The following DPPA2 variants were observed in gnomAD, a reference collection of about 807,000 sequenced individuals.
The protein encoded by DPPA2 is developmental pluripotency-associated protein 2.
In DPPA2, 26 loss-of-function variants were observed where a neutral mutation model predicts 36.2. The ratio of observed to expected loss-of-function variants is 0.72; its 90% CI spans 0.53 to 1.00. DPPA2 has a LOEUF of 1.00. Ranked by LOEUF, DPPA2 falls within the 50% of genes least tolerant of loss-of-function variation. The pLI is 0.00. For missense variants in DPPA2, 361 were observed against 365.1 expected, an observed-to-expected ratio of 0.99 and a Z score of 0.09; for synonymous variants, 113 against 123.2, an observed-to-expected ratio of 0.92 and a Z score of 0.55.
chr3:109,307,269 A>G (rs1043224223), intron 6 of DPPA2, among the ~76,000 whole-genome samples: 7 of 152,098 alleles, frequency 4.6e-5, no homozygotes, highest in African/African-American at 1.7e-4. Context: ...AAGCTCAGCC[A>G]CTACTATTCT....
At chr3:109,306,683 G>T (rs1377940967) in intron 6 of DPPA2, among the ~76,000 whole-genome samples, 2 of 151,620 alleles carry the variant, frequency 1.3e-5, no homozygotes, top group East Asian at 3.9e-4. Context: ...TTCTTAGAGG[G>T]CCCCAGGCGC....
chr3:109,308,144 C>T lies in DPPA2; in HGVS notation c.546G>A (p.Pro182=), dbSNP rs752711484. Residue 182 remains proline (P), a synonymous_variant, in exon 6 of 9, where the codon CCG becomes CCA. Transcript: ENST00000478945. ...TNTVEVITSA[P]GAMLASWARI... ...TTGCCCATGATGCCAACATGGCTCC[C>T]GGTGCTGAAGTTATCACTTCAACTG... 22 of 1,614,058 alleles carry T rather than the reference C, an allele frequency of 1.4e-5. No homozygotes were observed. The highest frequency in any genetic ancestry group is 1.1e-4 in the African/African-American group (8 of 74,928).
chr3:109,309,388 A>T lies in DPPA2; in HGVS notation c.182-58T>A, dbSNP rs903619351. ...TTTAAAGTTGGCAAGATTATTTTAA[A>T]ATTTTACAAAGATCTAGGGTCGGGC... On this transcript the variant is annotated intron_variant, in intron 3 of 8. Transcript: ENST00000478945. 9 of 1,601,494 alleles carry T rather than the reference A, an allele frequency of 5.6e-6. 1 individual carries two copies. In the Admixed American group the frequency reaches 8.4e-5, roughly 15 times the overall value.
intron 1 of DPPA2, among the ~76,000 whole-genome samples, chr3:109,315,141 G>A (rs762662701): frequency 2.0e-5 from 3 of 152,198 alleles, no homozygotes; most frequent in African/African-American, 4.8e-5. Context: ...TTGTTGACAA[G>A]TTCCAATGGA....
chr3:109,307,821 A>G (rs912062884), intron 6 of DPPA2, among the ~76,000 whole-genome samples: 7 of 152,154 alleles, frequency 4.6e-5, no homozygotes, highest in African/African-American at 1.7e-4. Flanking sequence ...GAAAAGGGCC[A>G]CTACTCAGTC....
At position 109,305,095 on chromosome 3, in the gene DPPA2, G is replaced by A. The variant is rs1461921251; in HGVS notation, c.659-425C>T. Reference sequence around the variant, plus strand: ...CGGAAGGCAGAGGTTGTGGTGAGCTGAGATCACACCACTGCACTCCAGCCT... The same window carrying A: ...CGGAAGGCAGAGGTTGTGGTGAGCTAAGATCACACCACTGCACTCCAGCCT... On this transcript the variant is annotated intron_variant, in intron 6 of 8. Transcript: ENST00000478945. Among the ~76,000 whole-genome samples the A allele has an allele frequency of 2.0e-5, 3 of 151,964 alleles. No individual in the cohort carries two copies. In the South Asian group the frequency reaches 6.2e-4, roughly 32 times the overall value.
chr3:109,297,595 C>T (rs141493801), intron 8 of DPPA2, among the ~76,000 whole-genome samples: 4 of 151,034 alleles, frequency 2.6e-5, no homozygotes, highest in Admixed American at 6.6e-5. Context: ...CCAAACAATA[C>T]GAAATACTAA....
intron 6 of DPPA2, among the ~76,000 whole-genome samples, chr3:109,307,293 A>G (rs1326461113): frequency 6.6e-6 from 1 of 151,794 alleles, no homozygotes; most frequent in East Asian, 2.0e-4. Context: ...AAACATGTAA[A>G]TCTTCATTTT....
In DPPA2 at chr3:109,308,017, T is replaced by G. The variant is rs1707610019; in HGVS notation, c.658+15A>C. On this transcript the variant is annotated intron_variant, in intron 6 of 8. Transcript: ENST00000478945. ...GTCCTCTGGAGTGGGACTCACACTT[T>G]AAGGTTGATCTTACCAGAGGCTTGC... The G allele has an allele frequency of 6.2e-7, 1 of 1,612,246 alleles. No individual in the cohort carries two copies. Among genetic ancestry groups the G allele is most frequent in the African/African-American group, 1.3e-5 (1 of 74,894 alleles).
At chr3:109,311,551 A>T (rs1421243211) in intron 3 of DPPA2, among the ~76,000 whole-genome samples, 1 of 151,992 alleles carries the variant, frequency 6.6e-6, no homozygotes, top group Non-Finnish European at 1.5e-5. Flanking sequence ...ACCAGCCTGG[A>T]CAACGTGGCA....
At chr3:109,315,881 TAAATA>T (rs1707777064) in intron 1 of DPPA2, among the ~76,000 whole-genome samples, 1 of 151,932 alleles carries the variant, frequency 6.6e-6, no homozygotes, top group Admixed American at 6.6e-5. Flanking sequence ...AATAAATAAA[TAAATA>T]AATTTACAAA....
At chr3:109,310,407 CAA>C (rs147915128) in intron 3 of DPPA2, among the ~76,000 whole-genome samples, 3,819 of 63,244 alleles carry the variant, frequency 0.06, 112 homozygotes, top group African/African-American at 0.19. Flanking sequence ...GACTCTGTCT[CAA>C]AAAAAAAAAA....
chr3:109,308,184 G>A lies in DPPA2; in HGVS notation c.506C>T (p.Ala169Val). 1.9e-6 allele frequency: 3 copies of A among 1,614,158 alleles called. No individual in the cohort carries two copies. Among genetic ancestry groups the A allele is most frequent in the African/African-American group, 1.3e-5 (1 of 75,052 alleles). ...CACTTCAACTGTATTGGTCTCTTCT[G>A]CTCTCTCATTCATCTCATAACTTCT... Reference protein sequence around the residue: ...LQRSYEMNERAEETNTVEVIT... With the variant: ...LQRSYEMNERVEETNTVEVIT... The change falls in exon 6 of 9, where the codon GCA becomes GTA. Residue 169 changes from alanine to valine, a missense_variant. Ala to Val is a moderately conservative substitution (Grantham distance 64). Coordinates refer to ENST00000478945, the MANE Select transcript of DPPA2 (RefSeq NM_138815.4).
chr3:109,304,873 G>A (rs777214831), intron 6 of DPPA2, among the ~76,000 whole-genome samples: 73 of 152,308 alleles, frequency 4.8e-4, no homozygotes, highest in Admixed American at 1.2e-3. Flanking sequence ...CTGGCTAGGC[G>A]CGGTGGCTCA....
rs374722184 is a variant in DPPA2 at position 109,312,731 on chromosome 3, G to A, written c.34-39C>T. ...TCAGTCACTGATTTTCATTTGATGCGGTACAACTAAACTGCTTGCTTTCAA... is the reference window on the plus strand; with the variant it reads ...TCAGTCACTGATTTTCATTTGATGCAGTACAACTAAACTGCTTGCTTTCAA... On this transcript the variant is annotated intron_variant, in intron 2 of 8. Coordinates refer to ENST00000478945, the MANE Select transcript of DPPA2 (RefSeq NM_138815.4). 51 of 1,606,986 alleles carry A rather than the reference G, an allele frequency of 3.2e-5. No individual in the cohort carries two copies. The Admixed American group carries it at 4.0e-4, about 13-fold the overall frequency.
intron 7 of DPPA2, among the ~76,000 whole-genome samples, chr3:109,300,647 C>A (rs1302843282): frequency 1.3e-5 from 2 of 151,958 alleles, no homozygotes. Context: ...TATGGTGAAA[C>A]CCTGTGTCTG....
chr3:109,306,663 T>A (rs1707570608), intron 6 of DPPA2, among the ~76,000 whole-genome samples: 1 of 151,774 alleles, frequency 6.6e-6, no homozygotes, highest in Non-Finnish European at 1.5e-5. Context: ...AGTTAAGTTA[T>A]CCTCAAGATT....
chr3:109,309,434 T>C, intron 3 of DPPA2, 104 bp from the exon 4 acceptor site: 1 of 1,316,400 alleles, frequency 7.6e-7, no homozygotes, highest in Non-Finnish European at 1.0e-6. Context: ...ACGCCTGTAA[T>C]CCCAGCACTT....
intron 6 of DPPA2, among the ~76,000 whole-genome samples, chr3:109,307,543 C>T (rs1190462679): frequency 7.1e-6 from 1 of 139,910 alleles, no homozygotes; most frequent in Non-Finnish European, 1.5e-5. Context: ...GCAGAGGTTG[C>T]AGTGAGCCAA....
Sources: gnomAD v4.1 joint callset for allele counts (sites outside exome capture counted in the v4.1 genomes callset) on GRCh38, gnomAD v4.1.1 for gene constraint, MANE v1.5 for transcripts, NCBI Gene and HGNC (gene_info 2026-07-23, HGNC 2026-07-21) for gene names.